CCDC73: variants seen among roughly 807,000 people sequenced by gnomAD.
The protein encoded by CCDC73 is coiled-coil domain containing 73.
In CCDC73, 95 loss-of-function variants were observed where a neutral mutation model predicts 116.5. The ratio of observed to expected loss-of-function variants is 0.82; its 90% CI spans 0.69 to 0.97. The LOEUF (loss-of-function observed/expected upper bound fraction) is 0.97. Ranked by LOEUF, CCDC73 falls within the 50% of genes least tolerant of loss-of-function variation. The pLI, the probability that CCDC73 is intolerant of heterozygous loss-of-function variation, is 0.00. For missense variants in CCDC73, 1,066 were observed against 1,206.8 expected (o/e 0.88, Z 1.73); for synonymous variants, 398 against 401.3 (o/e 0.99, Z 0.10).
intron 9 of CCDC73, among the ~76,000 whole-genome samples, chr11:32,659,133 T>C (rs1257933622): frequency 6.6e-6 from 1 of 152,168 alleles, no homozygotes; most frequent in Non-Finnish European, 1.5e-5. Flanking sequence ...ACATGAGGAA[T>C]TCCCTCAAAT....
At chr11:32,738,885 C>A (rs1850159113) in intron 2 of CCDC73, among the ~76,000 whole-genome samples, 1 of 152,014 alleles carries the variant, frequency 6.6e-6, no homozygotes, top group African/African-American at 2.4e-5. Context: ...TATACGGAAA[C>A]ATAGTGGTCT....
At chr11:32,825,168 A>C in the CCDC73 span, among the ~76,000 whole-genome samples, 15 of 152,152 alleles carry the variant, frequency 9.9e-5, no homozygotes, top group African/African-American at 3.6e-4. Context: ...ATAACAAAGG[A>C]GAATCCTTCA....
chr11:32,609,088 C>A (rs1334280489), intron 17 of CCDC73, among the ~76,000 whole-genome samples: 3 of 152,194 alleles, frequency 2.0e-5, no homozygotes, highest in Non-Finnish European at 4.4e-5. Flanking sequence ...ACATTTTCCC[C>A]ATTGTCTTGG....
intron 13 of CCDC73, among the ~76,000 whole-genome samples, chr11:32,640,015 T>A (rs1329921294): frequency 6.6e-6 from 1 of 152,218 alleles, no homozygotes; most frequent in Non-Finnish European, 1.5e-5. Context: ...TTTATTTTTA[T>A]CAGTATCTTT....
intron 12 of CCDC73, among the ~76,000 whole-genome samples, chr11:32,652,538 AT>A (rs1483688285): frequency 1.3e-5 from 2 of 152,126 alleles, no homozygotes; most frequent in Non-Finnish European, 2.9e-5. Context: ...ACTCAGCTTT[AT>A]AAGGGGAAAT....
At chr11:32,713,115 TC>T (rs1849916350) in intron 3 of CCDC73, among the ~76,000 whole-genome samples, 1 of 151,894 alleles carries the variant, frequency 6.6e-6, no homozygotes, top group Admixed American at 6.6e-5. Flanking sequence ...TATTAGAAAC[TC>T]CCCCCGGATT....
chr11:32,763,920 G>T (rs1422767631), intron 1 of CCDC73, among the ~76,000 whole-genome samples: 3 of 152,190 alleles, frequency 2.0e-5, no homozygotes. Context: ...GTCCTTAAAT[G>T]ACCTGATGGA....
intron 2 of CCDC73, among the ~76,000 whole-genome samples, chr11:32,725,076 ACAGTT>A (rs1287701818): frequency 2.0e-5 from 3 of 152,080 alleles, no homozygotes; most frequent in Admixed American, 2.0e-4. Flanking sequence ...TAATTACTAT[ACAGTT>A]AAGTAGTGAA....
chr11:32,729,882 T>C (rs1850060136), intron 2 of CCDC73, among the ~76,000 whole-genome samples: 2 of 152,188 alleles, frequency 1.3e-5, no homozygotes, highest in Non-Finnish European at 2.9e-5. Flanking sequence ...AGTTTCAGAA[T>C]TGCTGACATG....
intron 6 of CCDC73, among the ~76,000 whole-genome samples, chr11:32,695,794 C>T (rs933069455): frequency 6.2e-5 from 8 of 129,114 alleles, no homozygotes; most frequent in Admixed American, 1.6e-4. Flanking sequence ...AAAAAAAAGA[C>T]CCTGGGCTGA....
chr11:32,770,745 G>A (rs1038349904), intron 1 of CCDC73, among the ~76,000 whole-genome samples: 2 of 152,326 alleles, frequency 1.3e-5, no homozygotes, highest in Admixed American at 1.3e-4. Context: ...TACTGGAAGT[G>A]TAAACTGACT....
chr11:32,738,887 T>C (rs1426526465), intron 2 of CCDC73, among the ~76,000 whole-genome samples: 2 of 152,240 alleles, frequency 1.3e-5, no homozygotes, highest in South Asian at 4.1e-4. Context: ...TACGGAAACA[T>C]AGTGGTCTAC....
At chr11:32,811,816 C>T in the CCDC73 span, among the ~76,000 whole-genome samples, 2 of 152,174 alleles carry the variant, frequency 1.3e-5, no homozygotes, top group Non-Finnish European at 2.9e-5. Context: ...ACCCAAACAT[C>T]TCCCACTAGG....
intron 3 of CCDC73, among the ~76,000 whole-genome samples, chr11:32,713,795 G>A (rs550621313): frequency 1.1e-4 from 17 of 151,996 alleles, no homozygotes; most frequent in Non-Finnish European, 2.4e-4. Context: ...CATTGGTGGT[G>A]AAATTTTACT....
chr11:32,789,962 G>C (rs1257262807), intron 1 of CCDC73, among the ~76,000 whole-genome samples: 1 of 152,106 alleles, frequency 6.6e-6, no homozygotes, highest in African/African-American at 2.4e-5. Flanking sequence ...AATCTTAAAA[G>C]ACAAGACATT....
rs373260809 is a variant in CCDC73, at chr11:32,713,229, T to TC, written c.207+4846dup. 7.2e-3 allele frequency among the ~76,000 whole-genome samples: 1,093 copies of TC among 152,192 alleles called. 12 individuals are homozygous for TC. Among genetic ancestry groups the TC allele is most frequent in the African/African-American group, 0.025 (1,023 of 41,558 alleles). On this transcript the variant is annotated intron_variant, in intron 3 of 17. Transcript: ENST00000335185. ...GCAACAGTCTCAACTGACCCCTAAA[T>TC]CATGACTCCTTACCAGAGGTTAAAC...
At chr11:32,718,635 C>T (rs1259350441) in intron 2 of CCDC73, among the ~76,000 whole-genome samples, 1 of 152,030 alleles carries the variant, frequency 6.6e-6, no homozygotes, top group Non-Finnish European at 1.5e-5. Context: ...AACCATCTTC[C>T]CTATTTCCTC....
At chr11:32,800,694 C>A in the CCDC73 span, among the ~76,000 whole-genome samples, 2 of 152,226 alleles carry the variant, frequency 1.3e-5, no homozygotes, top group African/African-American at 4.8e-5. Context: ...GTATACTTCT[C>A]TTTCCCTCTC....
At chr11:32,686,846 T>C (rs1856206569) in intron 6 of CCDC73, among the ~76,000 whole-genome samples, 1 of 152,228 alleles carries the variant, frequency 6.6e-6, no homozygotes, top group African/African-American at 2.4e-5. Context: ...TTATAGTTGC[T>C]ATATTTAATA....
Sources: allele counts gnomAD v4.1 joint callset (sites outside exome capture counted in the v4.1 genomes callset), GRCh38; gene constraint gnomAD v4.1.1; transcripts MANE v1.5; gene names NCBI Gene and HGNC (gene_info 2026-07-23, HGNC 2026-07-21).